RBPJ: variants seen among roughly 807,000 people sequenced by gnomAD.
The protein encoded by RBPJ is recombining binding protein suppressor of hairless.
RBPJ carries 9 observed loss-of-function variants against 67.8 expected under a neutral mutation model. The observed-to-expected ratio is 0.13, with a 90% CI of 0.08 to 0.23. The LOEUF is 0.23. RBPJ is among the 10% of genes least tolerant of loss of function. The probability of loss-of-function intolerance (pLI) is 1.00; values close to 1 mark genes in which losing one functional copy is unlikely to be tolerated. For missense variants in RBPJ, 305 were observed against 595.6 expected (o/e 0.51, Z 5.08); for synonymous variants, 198 against 203.3 (o/e 0.97, Z 0.22).
At chr4:26,345,180 C>G (rs997321203) in intron 1 of RBPJ, among the ~76,000 whole-genome samples, 1 of 152,152 alleles carries the variant, frequency 6.6e-6, no homozygotes, top group African/African-American at 2.4e-5. Flanking sequence ...TGAGTTACTT[C>G]TGATTCATAA....
intron 1 of RBPJ, among the ~76,000 whole-genome samples, chr4:26,375,942 TTCCTTTTTATC>T (rs1729685703): frequency 6.6e-6 from 1 of 152,062 alleles, no homozygotes; most frequent in African/African-American, 2.4e-5. Flanking sequence ...ACTCCTCAGG[TTCCTTTTTATC>T]TCCTTTTTAT....
At chr4:26,137,575 C>T in the RBPJ span, among the ~76,000 whole-genome samples, 6 of 152,236 alleles carry the variant, frequency 3.9e-5, no homozygotes, top group South Asian at 2.1e-4. Flanking sequence ...TGCAGGCCAC[C>T]GTACCTCTCC....
rs1720642187 is a variant in RBPJ, at chr4:26,264,330, C to A, written c.-166-98116C>A. Reference sequence around the variant, plus strand: ...TAATTATTATTAATACTTATTAATTCATTAATCAATGAATACTTTTTAATT... The same window carrying A: ...TAATTATTATTAATACTTATTAATTAATTAATCAATGAATACTTTTTAATT... On this transcript the variant is annotated intron_variant, in intron 1 of 4. Transcript: ENST00000512351. The surrounding 1 kb of genome is among the most constrained non-coding windows in gnomAD (Gnocchi z 4.1). Among the ~76,000 whole-genome samples the A allele has an allele frequency of 6.6e-6, 1 of 152,094 alleles. No individual in the cohort carries two copies. Among genetic ancestry groups the A allele is most frequent in the African/African-American group, 2.4e-5 (1 of 41,396 alleles).
intron 1 of RBPJ, among the ~76,000 whole-genome samples, chr4:26,211,524 A>G (rs1214673512): frequency 6.6e-6 from 1 of 152,138 alleles, no homozygotes; most frequent in African/African-American, 2.4e-5. Context: ...ACCTCTGTAA[A>G]TTCAGTAGTT....
chr4:26,325,612 T>C (rs1014437701), intron 1 of RBPJ, among the ~76,000 whole-genome samples: 7 of 152,240 alleles, frequency 4.6e-5, no homozygotes, highest in African/African-American at 1.7e-4. Flanking sequence ...ATGAAAGCAT[T>C]TAGCAGAATT....
chr4:26,197,370 A>G (rs1434406651), intron 1 of RBPJ, among the ~76,000 whole-genome samples: 1 of 152,182 alleles, frequency 6.6e-6, no homozygotes. Flanking sequence ...GATGTGCTCT[A>G]CCATCCAGTA....
At chr4:26,176,803 T>C (rs1716809372) in intron 1 of RBPJ, among the ~76,000 whole-genome samples, 1 of 152,260 alleles carries the variant, frequency 6.6e-6, no homozygotes, top group Non-Finnish European at 1.5e-5. Flanking sequence ...GCCAGGCCTG[T>C]CTTGGCTGGA....
At chr4:26,195,857 G>A (rs927640237) in intron 1 of RBPJ, among the ~76,000 whole-genome samples, 18 of 152,206 alleles carry the variant, frequency 1.2e-4, no homozygotes, top group Admixed American at 7.9e-4. Context: ...GCCTCCCAAG[G>A]TGTTGGGATT....
At chr4:26,132,955 C>A in the RBPJ span, among the ~76,000 whole-genome samples, 1 of 152,156 alleles carries the variant, frequency 6.6e-6, no homozygotes, top group African/African-American at 2.4e-5. Context: ...GCTCTGCCTC[C>A]CTTTGTGGCA....
At chr4:26,387,049 T>G (rs1730987111) in intron 2 of RBPJ, among the ~76,000 whole-genome samples, 1 of 152,076 alleles carries the variant, frequency 6.6e-6, no homozygotes, top group Non-Finnish European at 1.5e-5. Context: ...CTTCATAAAC[T>G]CAACTGAGAT....
chr4:26,368,465 GGAA>G (rs2109535253), intron 1 of RBPJ, among the ~76,000 whole-genome samples: 1 of 152,118 alleles, frequency 6.6e-6, no homozygotes, highest in African/African-American at 2.4e-5. Flanking sequence ...TTATCCTGTT[GGAA>G]GCACGAGGTT....
At chr4:26,335,087 T>G (rs184317103) in intron 1 of RBPJ, among the ~76,000 whole-genome samples, 23 of 152,346 alleles carry the variant, frequency 1.5e-4, no homozygotes, top group African/African-American at 4.8e-4. Flanking sequence ...TGATATCTGT[T>G]ATAGTGCTGT....
At chr4:26,313,592 C>A (rs1034042249) in intron 1 of RBPJ, among the ~76,000 whole-genome samples, 2 of 152,076 alleles carry the variant, frequency 1.3e-5, no homozygotes, top group East Asian at 1.9e-4. Context: ...ATGGCGTGAA[C>A]CCAGGAGACG....
intron 1 of RBPJ, among the ~76,000 whole-genome samples, chr4:26,171,602 T>C (rs941573030): frequency 6.6e-6 from 1 of 152,090 alleles, no homozygotes; most frequent in Non-Finnish European, 1.5e-5. Flanking sequence ...AAAGGAATAA[T>C]TCTCAATTTT....
chr4:26,369,568 T>C (rs1455117678), intron 1 of RBPJ, among the ~76,000 whole-genome samples: 1 of 152,244 alleles, frequency 6.6e-6, no homozygotes, highest in Non-Finnish European at 1.5e-5. Flanking sequence ...CAGATTTTTC[T>C]CACAGTGGTA....
chr4:26,366,115 G>A (rs1441642664), intron 1 of RBPJ, among the ~76,000 whole-genome samples: 1 of 152,110 alleles, frequency 6.6e-6, no homozygotes, highest in Non-Finnish European at 1.5e-5. Flanking sequence ...TAAAACTTCT[G>A]TGTCAGTGGC....
intron 1 of RBPJ, among the ~76,000 whole-genome samples, chr4:26,217,831 C>T (rs1718767313): frequency 6.6e-6 from 1 of 152,178 alleles, no homozygotes; most frequent in South Asian, 2.1e-4. Flanking sequence ...AGAGTCAGAC[C>T]TGGGTTTGGA....
intron 1 of RBPJ, among the ~76,000 whole-genome samples, chr4:26,295,377 CATT>C (rs1293410093): frequency 2.0e-5 from 3 of 152,000 alleles, no homozygotes; most frequent in African/African-American, 4.8e-5. Context: ...TGTTTTATCT[CATT>C]GTAAGTAGTT....
At chr4:26,318,183 G>A (rs577105802), upstream of RBPJ, among the ~76,000 whole-genome samples, 1 of 151,764 alleles carries the variant, frequency 6.6e-6, no homozygotes, top group South Asian at 2.1e-4. Flanking sequence ...TAAAAACCAG[G>A]GTTTCCTATT....
Sources: gnomAD v4.1 joint callset for allele counts (sites outside exome capture counted in the v4.1 genomes callset) on GRCh38, gnomAD v4.1.1 for gene constraint, Gnocchi (gnomAD v3.1) non-coding constraint, MANE v1.5 for transcripts, NCBI Gene and HGNC (gene_info 2026-07-23, HGNC 2026-07-21) for gene names.